KCND2: variants seen among roughly 807,000 people sequenced by gnomAD.
KCND2 encodes potassium voltage-gated channel subfamily D member 2.
A neutral mutation model predicts 54.4 loss-of-function variants in KCND2; 16 were observed. That is an observed-to-expected ratio of 0.29 (90% CI 0.20 to 0.45). KCND2 has a LOEUF of 0.45. KCND2 is among the 20% of genes least tolerant of loss of function. The pLI, the probability that KCND2 is intolerant of heterozygous loss-of-function variation, is 1.00. For missense variants in KCND2, 486 were observed against 824.2 expected, an observed-to-expected ratio of 0.59 and a Z score of 5.02; for synonymous variants, 317 against 310.7, an observed-to-expected ratio of 1.02 and a Z score of -0.21.
At chr7:120,317,798 C>T (rs905536176) in intron 1 of KCND2, among the ~76,000 whole-genome samples, 4 of 152,020 alleles carry the variant, frequency 2.6e-5, no homozygotes, top group African/African-American at 9.7e-5. Context: ...TCTATAAAGC[C>T]GTAAAACCCC....
At chr7:120,543,484 A>G (rs1381068700) in intron 1 of KCND2, among the ~76,000 whole-genome samples, 1 of 152,120 alleles carries the variant, frequency 6.6e-6, no homozygotes, top group Non-Finnish European at 1.5e-5. Context: ...AGAAAAATGT[A>G]GTTAAAAATG....
chr7:120,402,327 A>G (rs1801274173), intron 1 of KCND2, among the ~76,000 whole-genome samples: 2 of 152,166 alleles, frequency 1.3e-5, no homozygotes, highest in Non-Finnish European at 2.9e-5. Context: ...GATGCTAAGA[A>G]AACAAAGAAC....
At chr7:120,746,167 A>G (rs1329339742) in intron 5 of KCND2, 140 bp downstream of exon 5, 3 of 944,658 alleles carry the variant, frequency 3.2e-6, no homozygotes, top group Non-Finnish European at 5.0e-6. Flanking sequence ...TAGCGTAACA[A>G]GTAGGAAAAT....
Position 120,652,610 on chromosome 7 carries a change from A to T in KCND2, c.1116-80293A>T, listed in dbSNP as rs558106616. Among the ~76,000 whole-genome samples, 31 of 152,344 alleles carry T rather than the reference A, an allele frequency of 2.0e-4. 1 individual carries two copies. The East Asian group carries it at 5.8e-3, about 28-fold the overall frequency. ...CACCTCTCCTTGTGTGGTCCCAGAGAAGAAACTTTGAGAACTGTAAAGATA... is the reference window on the plus strand; with the variant it reads ...CACCTCTCCTTGTGTGGTCCCAGAGTAGAAACTTTGAGAACTGTAAAGATA... On this transcript the variant is annotated intron_variant, in intron 1 of 5. Coordinates refer to ENST00000331113, the MANE Select transcript of KCND2 (RefSeq NM_012281.3).
rs566427960 is a variant in KCND2 at position 120,355,637 on chromosome 7, A to G, written c.1115+79890A>G. Among the ~76,000 whole-genome samples, 76 of 152,152 alleles carry G rather than the reference A, an allele frequency of 5.0e-4. 1 individual carries two copies. Among genetic ancestry groups the G allele is most frequent in the Admixed American group, 9.8e-4 (15 of 15,266 alleles). On this transcript the variant is annotated intron_variant, in intron 1 of 5. Transcript: ENST00000331113. ...ATTTGGCCCAGCATCATGAGAGAGTATTTTACTACATACTACTAGCCTGGG... is the reference window on the plus strand; with the variant it reads ...ATTTGGCCCAGCATCATGAGAGAGTGTTTTACTACATACTACTAGCCTGGG...
intron 1 of KCND2, among the ~76,000 whole-genome samples, chr7:120,505,755 A>T (rs1225511833): frequency 6.6e-6 from 1 of 151,752 alleles, no homozygotes; most frequent in Admixed American, 6.6e-5. Context: ...TCAGTGCAAC[A>T]CATAAATAAG....
intron 1 of KCND2, among the ~76,000 whole-genome samples, chr7:120,661,401 C>T (rs991075912): frequency 1.3e-5 from 2 of 152,158 alleles, no homozygotes; most frequent in Non-Finnish European, 2.9e-5. Context: ...GTAATCCCAG[C>T]ACTTTGGGAG....
intron 1 of KCND2, among the ~76,000 whole-genome samples, chr7:120,425,566 T>G (rs572011441): frequency 1.8e-4 from 28 of 152,224 alleles, no homozygotes; most frequent in Non-Finnish European, 2.5e-4. Context: ...CTTCAGCAAC[T>G]ATTTTACTAT....
chr7:120,428,167 T>G (rs1801739527), intron 1 of KCND2, among the ~76,000 whole-genome samples: 1 of 152,200 alleles, frequency 6.6e-6, no homozygotes, highest in Admixed American at 6.5e-5. Flanking sequence ...ACTCATTCTT[T>G]AAAAATCAAT....
chr7:120,305,050 A>C (rs1799633171), intron 1 of KCND2, among the ~76,000 whole-genome samples: 1 of 152,190 alleles, frequency 6.6e-6, no homozygotes, highest in African/African-American at 2.4e-5. Flanking sequence ...AAATCCAGAC[A>C]CTGTTCTATT....
intron 1 of KCND2, among the ~76,000 whole-genome samples, chr7:120,660,725 A>G (rs1359543914): frequency 1.3e-5 from 2 of 152,214 alleles, no homozygotes; most frequent in Non-Finnish European, 2.9e-5. Context: ...AGCATGCTGT[A>G]TAGTTTCAAT....
intron 1 of KCND2, among the ~76,000 whole-genome samples, chr7:120,322,811 C>T (rs1337766684): frequency 6.6e-6 from 1 of 151,856 alleles, no homozygotes; most frequent in Admixed American, 6.6e-5. Context: ...GAAAATCTGT[C>T]TGAATACACG....
chr7:120,641,635 A>C (rs950153522), intron 1 of KCND2, among the ~76,000 whole-genome samples: 1 of 152,196 alleles, frequency 6.6e-6, no homozygotes, highest in Admixed American at 6.5e-5. Context: ...TATCCATGCA[A>C]TGACATGAAA....
intron 1 of KCND2, among the ~76,000 whole-genome samples, chr7:120,629,435 G>A (rs1405469975): frequency 1.3e-5 from 2 of 152,046 alleles, no homozygotes; most frequent in African/African-American, 2.4e-5. Flanking sequence ...GCAGTGAGCC[G>A]AGATGGTGCC....
intron 1 of KCND2, among the ~76,000 whole-genome samples, chr7:120,691,604 T>C (rs1792269557): frequency 6.6e-6 from 1 of 152,088 alleles, no homozygotes; most frequent in Non-Finnish European, 1.5e-5. Context: ...TGTGGATATG[T>C]TATTGTTGAG....
chr7:120,322,320 A>G (rs1799902968), intron 1 of KCND2, among the ~76,000 whole-genome samples: 1 of 152,100 alleles, frequency 6.6e-6, no homozygotes. Flanking sequence ...CTTGTTCTAT[A>G]TTACTTTGCA....
chr7:120,280,408 G>T (rs563656931), intron 1 of KCND2, among the ~76,000 whole-genome samples: 9 of 152,040 alleles, frequency 5.9e-5, no homozygotes, highest in African/African-American at 2.2e-4. Context: ...TTCAGAAAAG[G>T]TTTAATATGT....
chr7:120,595,519 G>GTA (rs1179819489), intron 1 of KCND2, among the ~76,000 whole-genome samples: 3 of 134,418 alleles, frequency 2.2e-5, no homozygotes, highest in South Asian at 2.3e-4. Flanking sequence ...GTATATATAT[G>GTA]TATATATATG....
chr7:120,304,714 T>G lies in KCND2; in HGVS notation c.1115+28967T>G, dbSNP rs189991945. Among the ~76,000 whole-genome samples the G allele has an allele frequency of 7.7e-3, 1,173 of 152,340 alleles. 4 individuals carry two copies. Among genetic ancestry groups the G allele is most frequent in the Non-Finnish European group, 0.011 (781 of 68,026 alleles). On this transcript the variant is annotated intron_variant, in intron 1 of 5. Transcript: ENST00000331113. The stretch of plus-strand genomic sequence containing the variant: ...TCACAATCTCTTTCTACATCTTTAC[T>G]TCTCTCTCTATTCCTCCCTTTCTGT...
Sources: gnomAD v4.1 joint callset for allele counts (sites outside exome capture counted in the v4.1 genomes callset) on GRCh38, gnomAD v4.1.1 for gene constraint, MANE v1.5 for transcripts, NCBI Gene and HGNC (gene_info 2026-07-23, HGNC 2026-07-21) for gene names.